SH3GL3: variants seen among roughly 807,000 people sequenced by gnomAD.
The protein encoded by SH3GL3 is SH3 domain containing GRB2 like 3, endophilin A3.
Under a neutral mutation model 47.7 loss-of-function variants are expected in SH3GL3, and 33 were observed. That is an observed-to-expected ratio of 0.69 (90% CI 0.52 to 0.92). SH3GL3 has a LOEUF of 0.92. Among genes scored for constraint, SH3GL3 ranks in the 40% least tolerant of loss-of-function variants. SH3GL3 has a pLI of 0.00. For synonymous variants in SH3GL3, 155 were observed against 148.8 expected (o/e 1.04, Z -0.30); for missense variants, 363 against 417.8 (o/e 0.87, Z 1.14).
At chr15:83,477,558 G>A (rs2041155684) in intron 1 of SH3GL3, among the ~76,000 whole-genome samples, 1 of 152,306 alleles carries the variant, frequency 6.6e-6, no homozygotes, top group South Asian at 2.1e-4. Flanking sequence ...ACTGTGGCCA[G>A]TTTTAGCCTC....
At chr15:83,514,634 AGGAT>A (rs1020062209) in intron 1 of SH3GL3, among the ~76,000 whole-genome samples, 1 of 152,198 alleles carries the variant, frequency 6.6e-6, no homozygotes, top group African/African-American at 2.4e-5. Context: ...CCAGTTTAAA[AGGAT>A]GATATGATTG....
chr15:83,505,508 G>A (rs532014307), intron 1 of SH3GL3, among the ~76,000 whole-genome samples: 1 of 142,088 alleles, frequency 7.0e-6, no homozygotes, highest in African/African-American at 2.6e-5. Context: ...TTTATTGATT[G>A]ACTACTTGAA....
intron 8 of SH3GL3, among the ~76,000 whole-genome samples, chr15:83,612,654 A>C (rs2060699892): frequency 2.0e-5 from 3 of 152,210 alleles, no homozygotes. Flanking sequence ...CCCCTTCCCC[A>C]GGGTGGCATC....
chr15:83,567,920 C>T (rs2151760474), intron 3 of SH3GL3, among the ~76,000 whole-genome samples: 1 of 151,550 alleles, frequency 6.6e-6, no homozygotes, highest in East Asian at 1.9e-4. Context: ...AAAGCCTGGT[C>T]ACTATTATTT....
At chr15:83,458,742 T>A (rs1183759617) in intron 1 of SH3GL3, among the ~76,000 whole-genome samples, 1 of 152,194 alleles carries the variant, frequency 6.6e-6, no homozygotes, top group Non-Finnish European at 1.5e-5. Flanking sequence ...CTCCTCTCAT[T>A]TTCTCAGGGA....
At chr15:83,517,966 T>C (rs2043055034) in intron 1 of SH3GL3, among the ~76,000 whole-genome samples, 1 of 152,130 alleles carries the variant, frequency 6.6e-6, no homozygotes, top group African/African-American at 2.4e-5. Context: ...GAGTACCCAG[T>C]GTTTAGCTCC....
chr15:83,567,195 A>G (rs1370407288), intron 3 of SH3GL3, among the ~76,000 whole-genome samples: 1 of 152,140 alleles, frequency 6.6e-6, no homozygotes, highest in African/African-American at 2.4e-5. Context: ...AGGTCAAACC[A>G]GCCTACTCCT....
At chr15:83,497,752 T>C (rs1472461519) in intron 1 of SH3GL3, among the ~76,000 whole-genome samples, 1 of 152,196 alleles carries the variant, frequency 6.6e-6, no homozygotes, top group Non-Finnish European at 1.5e-5. Flanking sequence ...CCCTCCATCA[T>C]CACACAATGG....
intron 1 of SH3GL3, among the ~76,000 whole-genome samples, chr15:83,513,637 A>C (rs772221131): frequency 6.6e-6 from 1 of 152,048 alleles, no homozygotes; most frequent in Non-Finnish European, 1.5e-5. Context: ...ACTGTACTTC[A>C]TGCTGCTTTG....
intron 1 of SH3GL3, among the ~76,000 whole-genome samples, chr15:83,468,665 T>G (rs2040690442): frequency 6.6e-6 from 1 of 152,216 alleles, no homozygotes; most frequent in South Asian, 2.1e-4. Context: ...TTAATTGATT[T>G]TCAAAAACTG....
intron 7 of SH3GL3, among the ~76,000 whole-genome samples, chr15:83,588,211 G>A (rs1160003581): frequency 6.6e-6 from 1 of 152,136 alleles, no homozygotes; most frequent in Admixed American, 6.5e-5. Flanking sequence ...GCTCACTGCA[G>A]CCTCCACCTT....
At chr15:83,515,603 A>G (rs1458587764) in intron 1 of SH3GL3, among the ~76,000 whole-genome samples, 1 of 152,200 alleles carries the variant, frequency 6.6e-6, no homozygotes, top group East Asian at 1.9e-4. Context: ...ACCCCTCTCC[A>G]TAAGGGACTT....
At chr15:83,566,950 A>G (rs2045579120) in intron 3 of SH3GL3, among the ~76,000 whole-genome samples, 1 of 152,222 alleles carries the variant, frequency 6.6e-6, no homozygotes, top group Admixed American at 6.5e-5. Flanking sequence ...ATTTACATAC[A>G]CATTAAAGTT....
chr15:83,627,671 G>T, the SH3GL3 span, among the ~76,000 whole-genome samples: 6 of 152,198 alleles, frequency 3.9e-5, no homozygotes, highest in Admixed American at 6.5e-5. Flanking sequence ...CTAGGGCCTT[G>T]GGCCTTGATA....
chr15:83,549,717 T>G (rs1446374098), intron 1 of SH3GL3, among the ~76,000 whole-genome samples: 1 of 152,166 alleles, frequency 6.6e-6, no homozygotes, highest in East Asian at 1.9e-4. Flanking sequence ...GCTTGTCAGG[T>G]TTGCTTCTTT....
chr15:83,527,267 T>A (rs938257033), intron 1 of SH3GL3, among the ~76,000 whole-genome samples: 1 of 152,206 alleles, frequency 6.6e-6, no homozygotes, highest in African/African-American at 2.4e-5. Flanking sequence ...CCAATGTTTC[T>A]TTGTTAATTT....
At chr15:83,550,693 C>T (rs1340999175) in intron 1 of SH3GL3, among the ~76,000 whole-genome samples, 1 of 152,136 alleles carries the variant, frequency 6.6e-6, no homozygotes, top group African/African-American at 2.4e-5. Context: ...CCCGGCCCTC[C>T]ATTACCATTT....
intron 1 of SH3GL3, among the ~76,000 whole-genome samples, chr15:83,469,346 T>G (rs2040726397): frequency 6.6e-6 from 1 of 152,176 alleles, no homozygotes; most frequent in Admixed American, 6.5e-5. Flanking sequence ...CCTTATTATT[T>G]TCTTCCTTCT....
intron 1 of SH3GL3, among the ~76,000 whole-genome samples, chr15:83,481,958 G>A (rs1275101035): frequency 1.3e-5 from 2 of 152,148 alleles, no homozygotes; most frequent in Admixed American, 6.5e-5. Context: ...ACTAAAGAGG[G>A]GGGAGTCATT....
Sources: gnomAD v4.1 joint callset for allele counts (sites outside exome capture counted in the v4.1 genomes callset) on GRCh38, gnomAD v4.1.1 for gene constraint, MANE v1.5 for transcripts, NCBI Gene and HGNC (gene_info 2026-07-23, HGNC 2026-07-21) for gene names.